RNF19A: variants seen among roughly 807,000 people sequenced by gnomAD.
RNF19A encodes the protein ring finger protein 19A, RBR E3 ubiquitin protein ligase.
RNF19A carries 32 observed loss-of-function variants against 75.7 expected under a neutral mutation model. The observed-to-expected ratio is 0.42, with a 90% CI of 0.32 to 0.57. The LOEUF (loss-of-function observed/expected upper bound fraction) is 0.57. RNF19A is among the 20% of genes least tolerant of loss of function. The probability of loss-of-function intolerance (pLI) is 0.10; values close to 1 mark genes in which losing one functional copy is unlikely to be tolerated. For missense variants in RNF19A, 782 were observed against 1,036.3 expected, an observed-to-expected ratio of 0.75 and a Z score of 3.37; for synonymous variants, 335 against 345.2, an observed-to-expected ratio of 0.97 and a Z score of 0.33.
chr8:100,297,457 A>G (rs931359369), intron 1 of RNF19A, among the ~76,000 whole-genome samples: 3 of 152,224 alleles, frequency 2.0e-5, no homozygotes, highest in Non-Finnish European at 4.4e-5. Flanking sequence ...CTGAGCACAA[A>G]GCAGGACTAC....
At chr8:100,317,000 C>T (rs1452297295) in intron 1 of RNF19A, among the ~76,000 whole-genome samples, 5 of 152,242 alleles carry the variant, frequency 3.3e-5, no homozygotes, top group South Asian at 4.1e-4. Flanking sequence ...GTACACTCTC[C>T]GCAGCCGCTG....
chr8:100,296,713 T>C (rs1821581525), intron 1 of RNF19A, among the ~76,000 whole-genome samples: 1 of 152,218 alleles, frequency 6.6e-6, no homozygotes, highest in Non-Finnish European at 1.5e-5. Flanking sequence ...CAGTAAAAGT[T>C]AACAGTTTCT....
intron 1 of RNF19A, among the ~76,000 whole-genome samples, chr8:100,301,684 T>C (rs992919976): frequency 2.0e-5 from 3 of 152,230 alleles, no homozygotes; most frequent in Non-Finnish European, 4.4e-5. Context: ...GGTCAGTAAC[T>C]ATAAATAAGC....
chr8:100,303,944 A>G (rs1290958023), intron 1 of RNF19A, among the ~76,000 whole-genome samples: 2 of 151,508 alleles, frequency 1.3e-5, no homozygotes, highest in Admixed American at 1.3e-4. Context: ...CTCCAAAAAA[A>G]AGTTTTTATT....
chr8:100,315,264 G>A (rs1280581769), intron 1 of RNF19A, among the ~76,000 whole-genome samples: 5 of 152,182 alleles, frequency 3.3e-5, no homozygotes, highest in Admixed American at 3.3e-4. Flanking sequence ...CTCCAGCCTG[G>A]ATGATCTATG....
In RNF19A at chr8:100,324,154, A is replaced by C. The variant is rs535234360; in HGVS notation, c.-242-10782T>G. ...GCTGCTACTATAATTTATTTTTTAC[A>C]GCGGAGGAAGCCCAATCTAGATTTA... is the stretch of plus-strand genomic sequence containing the variant. On this transcript the variant is annotated intron_variant, in intron 1 of 3. Coordinates refer to the RNF19A transcript ENST00000519527. The surrounding 1 kb of genome is among the most constrained non-coding windows in gnomAD (Gnocchi z 4.2). Among the ~76,000 whole-genome samples, 58 of 152,344 alleles carry C rather than the reference A, an allele frequency of 3.8e-4. No homozygotes were observed. The South Asian group carries it at 0.012, about 31-fold the overall frequency.
chr8:100,305,775 C>T (rs1822040260), intron 1 of RNF19A, among the ~76,000 whole-genome samples: 1 of 152,160 alleles, frequency 6.6e-6, no homozygotes, highest in Admixed American at 6.5e-5. Flanking sequence ...TGCATTAGCT[C>T]CTATACTTCT....
rs116666421 is a variant in RNF19A, at chr8:100,260,009, G to A, written c.1683-12C>T. 587 of 1,611,234 alleles carry A rather than the reference G, an allele frequency of 3.6e-4. No homozygotes were observed. The African/African-American group carries it at 6.9e-3, about 19-fold the overall frequency. Reference sequence around the variant, plus strand: ...CTTGTACTTCCAACCTTAAAGGGGGGTATGAAATCACCAAAATTATATTTA... The same window carrying A: ...CTTGTACTTCCAACCTTAAAGGGGGATATGAAATCACCAAAATTATATTTA... On this transcript the variant is annotated splice_polypyrimidine_tract_variant and intron_variant, in intron 8 of 9. Coordinates refer to ENST00000341084, the MANE Select transcript of RNF19A (RefSeq NM_183419.4). This position sits in a 1 kb window ranked among gnomAD's most constrained non-coding sequence, Gnocchi z 4.1.
chr8:100,283,236 A>AT, intron 2 of RNF19A, among the ~76,000 whole-genome samples: 2 of 152,228 alleles, frequency 1.3e-5, no homozygotes, highest in Admixed American at 6.5e-5. Context: ...CAACTGAAAC[A>AT]GGTGATAGAA....
chr8:100,258,527 G>C lies in RNF19A; in HGVS notation c.*29C>G. 6.4e-7 allele frequency: 1 copy of C among 1,552,110 alleles called. No individual in the cohort carries two copies. Among genetic ancestry groups the C allele is most frequent in the Non-Finnish European group, 8.8e-7 (1 of 1,138,188 alleles). On this transcript the variant is annotated 3_prime_UTR_variant, in exon 10 of 10. Transcript: ENST00000341084. This position sits in a 1 kb window ranked among gnomAD's most constrained non-coding sequence, Gnocchi z 4.3. ...AACCAGCTCCAAACACGGTTGTACAGTGGTAATTATTCTGCAGCATTTATG... is the reference window on the plus strand; with the variant it reads ...AACCAGCTCCAAACACGGTTGTACACTGGTAATTATTCTGCAGCATTTATG...
At chr8:100,320,436 T>C (rs1008683226) in intron 1 of RNF19A, among the ~76,000 whole-genome samples, 1 of 152,222 alleles carries the variant, frequency 6.6e-6, no homozygotes, top group Non-Finnish European at 1.5e-5. Context: ...CTAGGTTATA[T>C]GCCTAGAAGC....
At position 100,329,348 on chromosome 8, in the gene RNF19A, C is replaced by T. The variant is rs1212908973; in HGVS notation, c.-243+6760G>A. Among the ~76,000 whole-genome samples, 1 of 151,760 alleles carries T rather than the reference C, an allele frequency of 6.6e-6. No homozygotes were observed. On this transcript the variant is annotated intron_variant, in intron 1 of 3. Coordinates refer to the RNF19A transcript ENST00000519527. This position sits in a 1 kb window ranked among gnomAD's most constrained non-coding sequence, Gnocchi z 4.3. ...AGTTACAAAAGGCCTGACTTGGCAG[C>T]CATTCATGAGGGAAAAAAAAAAGAC...
chr8:100,257,909 T>C lies in RNF19A; in HGVS notation c.*647A>G, dbSNP rs1819529862. 3 of 398,148 alleles carry C rather than the reference T, an allele frequency of 7.5e-6. No homozygotes were observed. Among genetic ancestry groups the C allele is most frequent in the African/African-American group, 2.1e-5 (1 of 48,600 alleles). The allele number at this position is 398,148 out of a possible 1,614,324, so 24.7% of individuals were successfully genotyped here. On this transcript the variant is annotated 3_prime_UTR_variant, in exon 10 of 10. Coordinates refer to ENST00000341084, the MANE Select transcript of RNF19A (RefSeq NM_183419.4). ...TACCTTTACATTTTTTCCTCTAAGATGGCATCAACAATAAACAAGATAGAG... is the reference window on the plus strand; with the variant it reads ...TACCTTTACATTTTTTCCTCTAAGACGGCATCAACAATAAACAAGATAGAG...
At position 100,259,086 on chromosome 8, in the gene RNF19A, A is replaced by G. The variant is rs1238306864; in HGVS notation, c.1987T>C (p.Trp663Arg). The stretch of plus-strand genomic sequence containing the variant: ...TTCCCTGCTGTTGCTTCTTTGGACC[A>G]CTTGGTGGCACTAGATTTACCTTCA... The part of the protein sequence containing the change: ...LPEGKSSATK[W>R]SKEATAGKKS... Residue 663 changes from tryptophan to arginine, a missense_variant, in exon 10 of 10, where the codon TGG becomes CGG. This residue lies in a region of RNF19A where 442 missense variants were observed against 541.6 expected (regional missense o/e 0.82). Transcript: ENST00000341084. This position sits in a 1 kb window ranked among gnomAD's most constrained non-coding sequence, Gnocchi z 4.5. The G allele has an allele frequency of 1.9e-6, 3 of 1,614,018 alleles. No individual in the cohort carries two copies. The highest frequency in any genetic ancestry group is 8.5e-7 in the Non-Finnish European group (1 of 1,180,018).
intron 1 of RNF19A, among the ~76,000 whole-genome samples, chr8:100,318,644 C>T (rs933297814): frequency 2.0e-5 from 3 of 152,100 alleles, no homozygotes; most frequent in Admixed American, 6.5e-5. Flanking sequence ...TATTATCTAG[C>T]GAGTGAAATG....
chr8:100,324,759 A>G lies in RNF19A; in HGVS notation c.-243+11349T>C. ...AGACATTTTAACAAGAGATGATAGG[A>G]AAATTGATTAAAGGCATTGATCTAT... On this transcript the variant is annotated intron_variant, in intron 1 of 3. Transcript: ENST00000519527. The surrounding 1 kb of genome is among the most constrained non-coding windows in gnomAD (Gnocchi z 4.2). Among the ~76,000 whole-genome samples, 1 of 152,312 alleles carries G rather than the reference A, an allele frequency of 6.6e-6. No individual in the cohort carries two copies. The highest frequency in any genetic ancestry group is 1.5e-5 in the Non-Finnish European group (1 of 68,026).
chr8:100,285,736 T>C (rs762837103), intron 2 of RNF19A, among the ~76,000 whole-genome samples: 6 of 151,922 alleles, frequency 3.9e-5, no homozygotes, highest in Non-Finnish European at 8.8e-5. Flanking sequence ...GGGTTCAAGT[T>C]ACCTTCCCGT....
upstream of RNF19A, chr8:100,310,188 C>T: frequency 2.0e-6 from 2 of 985,464 alleles, no homozygotes; most frequent in Middle Eastern, 5.2e-4. Context: ...GCGCGCCGCC[C>T]GCGTGCTGTG....
rs578230082 is a variant in RNF19A at position 100,320,314 on chromosome 8, A to G, written c.-242-6942T>C. ...AAAACAACAACAACAACAAAACACT[A>G]TTTTCAAGATCTACCCATGTTGATA... On this transcript the variant is annotated intron_variant, in intron 1 of 3. Coordinates refer to the RNF19A transcript ENST00000519527. Among the ~76,000 whole-genome samples the G allele has an allele frequency of 1.1e-4, 16 of 152,196 alleles. No homozygotes were observed. The South Asian group carries it at 3.1e-3, about 30-fold the overall frequency.
Sources: allele counts gnomAD v4.1 joint callset (sites outside exome capture counted in the v4.1 genomes callset), GRCh38; gene constraint gnomAD v4.1.1; regional missense constraint gnomAD v4.1.1; non-coding constraint Gnocchi (gnomAD v3.1); transcripts MANE v1.5; gene names NCBI Gene and HGNC (gene_info 2026-07-23, HGNC 2026-07-21).